The following GALNT16 variants were observed in gnomAD, a reference collection of about 807,000 sequenced individuals.
The protein encoded by GALNT16 is UDP-GalNAc:polypeptide N-acetylgalactosaminyltransferase-like protein 1.
In GALNT16, 40 loss-of-function variants were observed where a neutral mutation model predicts 76.1. That is an observed-to-expected ratio of 0.53 (90% CI 0.41 to 0.68). GALNT16 has a LOEUF of 0.68. GALNT16 is among the 30% of genes least tolerant of loss of function. GALNT16 has a pLI of 0.00. For synonymous variants in GALNT16, 276 were observed against 285.2 expected (o/e 0.97, Z 0.32); for missense variants, 621 against 731.9 (o/e 0.85, Z 1.75).
At chr14:69,273,270 C>CT (rs1316131640) in intron 1 of GALNT16, among the ~76,000 whole-genome samples, 1 of 152,166 alleles carries the variant, frequency 6.6e-6, no homozygotes, top group Non-Finnish European at 1.5e-5. Context: ...GGCGAGAAGC[C>CT]TTTTACTCCC....
chr14:69,267,688 A>G (rs2044358272), intron 1 of GALNT16, among the ~76,000 whole-genome samples: 1 of 152,258 alleles, frequency 6.6e-6, no homozygotes, highest in South Asian at 2.1e-4. Flanking sequence ...GAGGGAATGG[A>G]GAGAGGATGT....
chr14:69,334,999 T>A (rs916401597), intron 9 of GALNT16, among the ~76,000 whole-genome samples: 3 of 152,098 alleles, frequency 2.0e-5, no homozygotes, highest in Non-Finnish European at 2.9e-5. Context: ...TAACTAGCAC[T>A]GGTGGTATCT....
At chr14:69,276,000 A>T (rs890394004) in intron 1 of GALNT16, among the ~76,000 whole-genome samples, 3 of 152,216 alleles carry the variant, frequency 2.0e-5, no homozygotes, top group African/African-American at 7.2e-5. Flanking sequence ...GTGGCAAGAG[A>T]GAATGAGGAG....
chr14:69,304,618 C>T (rs1264938643), intron 1 of GALNT16, among the ~76,000 whole-genome samples: 2 of 152,130 alleles, frequency 1.3e-5, no homozygotes, highest in African/African-American at 2.4e-5. Context: ...ATTTCCTTTA[C>T]ACCTCCCCCA....
intron 9 of GALNT16, among the ~76,000 whole-genome samples, chr14:69,338,380 G>T (rs1169930693): frequency 6.6e-6 from 1 of 152,216 alleles, no homozygotes; most frequent in Admixed American, 6.5e-5. Flanking sequence ...TTATGTTCTT[G>T]GTGTTCCTTC....
At chr14:69,266,410 A>G (rs939103486) in intron 1 of GALNT16, among the ~76,000 whole-genome samples, 1 of 152,234 alleles carries the variant, frequency 6.6e-6, no homozygotes, top group African/African-American at 2.4e-5. Flanking sequence ...ACTGGTTAAG[A>G]TCACTCTTGA....
At chr14:69,303,486 A>T (rs1377371554) in intron 1 of GALNT16, among the ~76,000 whole-genome samples, 3 of 152,208 alleles carry the variant, frequency 2.0e-5, no homozygotes, top group Non-Finnish European at 4.4e-5. Context: ...CACTAGGCCC[A>T]TGTAATGCGT....
At chr14:69,267,992 A>T (rs1348744078) in intron 1 of GALNT16, among the ~76,000 whole-genome samples, 2 of 152,212 alleles carry the variant, frequency 1.3e-5, no homozygotes, top group Non-Finnish European at 2.9e-5. Flanking sequence ...TGTATTAAGA[A>T]GGGCTGTAAC....
At chr14:69,367,568 G>A in the GALNT16 span, among the ~76,000 whole-genome samples, 4 of 150,286 alleles carry the variant, frequency 2.7e-5, no homozygotes. Context: ...CCAGTCTATG[G>A]TACTTCGTTG....
chr14:69,294,772 G>A (rs1443936265), intron 1 of GALNT16, among the ~76,000 whole-genome samples: 1 of 152,070 alleles, frequency 6.6e-6, no homozygotes, highest in Non-Finnish European at 1.5e-5. Flanking sequence ...TTTTAAAGAG[G>A]GGAGTCTCAT....
At chr14:69,377,804 C>CAAAAAAAAAAAAAAAAAAAAAAAAAAAA in the GALNT16 span, among the ~76,000 whole-genome samples, 1 of 37,486 alleles carries the variant, frequency 2.7e-5, no homozygotes, top group Non-Finnish European at 4.6e-5. Context: ...GAGACTGTCT[C>CAAAAAAAAAAAAAAAAAAAAAAAAAAAA]AAAAAAAAAA....
chr14:69,268,372 T>G (rs977987757), intron 1 of GALNT16, among the ~76,000 whole-genome samples: 2 of 152,190 alleles, frequency 1.3e-5, no homozygotes, highest in Non-Finnish European at 2.9e-5. Flanking sequence ...TCCTGGCAAC[T>G]TTCAGTTTTC....
intron 14 of GALNT16, chr14:69,348,208 A>ATGCC: frequency 3.3e-6 from 2 of 606,020 alleles, no homozygotes; most frequent in Non-Finnish European, 5.9e-6. Context: ...TATTTGTTTA[A>ATGCC]TGCCATCCTG....
intron 1 of GALNT16, among the ~76,000 whole-genome samples, chr14:69,286,006 G>A (rs1849137643): frequency 1.3e-5 from 2 of 152,080 alleles, no homozygotes; most frequent in Admixed American, 1.3e-4. Flanking sequence ...TGGTAGGTGT[G>A]GCCTACCCTG....
rs1004709466 is a variant in GALNT16 at position 69,261,511 on chromosome 14, G to GGA, written c.177+1048_177+1049dup. The stretch of plus-strand genomic sequence containing the variant: ...CCTGGCCGGATGAGGACCAGGAAGA[G>GGA]GAGAGCCGAGTGGGGCGGGGGTAAA... On this transcript the variant is annotated intron_variant, in intron 1 of 14. Coordinates refer to ENST00000448469, the MANE Select transcript of GALNT16 (RefSeq NM_001168368.2). This position sits in a 1 kb window ranked among gnomAD's most constrained non-coding sequence, Gnocchi z 6.4. Among the ~76,000 whole-genome samples, 1 of 152,094 alleles carries GGA rather than the reference G, an allele frequency of 6.6e-6. No homozygotes were observed. Among genetic ancestry groups the GGA allele is most frequent in the Non-Finnish European group, 1.5e-5 (1 of 68,004 alleles).
the GALNT16 span, among the ~76,000 whole-genome samples, chr14:69,378,528 A>G: frequency 6.6e-6 from 1 of 152,216 alleles, no homozygotes; most frequent in Non-Finnish European, 1.5e-5. Flanking sequence ...CACCTTCACA[A>G]AAAGGCTACT....
intron 1 of GALNT16, among the ~76,000 whole-genome samples, chr14:69,271,227 TC>T (rs2044403475): frequency 6.6e-6 from 1 of 151,884 alleles, no homozygotes; most frequent in African/African-American, 2.4e-5. Flanking sequence ...AACTACCTCT[TC>T]CAGACAATGC....
chr14:69,260,923 C>G (rs2044260779), intron 1 of GALNT16, among the ~76,000 whole-genome samples: 1 of 150,954 alleles, frequency 6.6e-6, no homozygotes, highest in African/African-American at 2.4e-5. Context: ...CAGAGGACAT[C>G]GGGTGGGGGC....
At position 69,295,716 on chromosome 14, in the gene GALNT16, T is replaced by C. The variant is rs186079185; in HGVS notation, c.178-24995T>C. On this transcript the variant is annotated intron_variant, in intron 1 of 14. Coordinates refer to ENST00000448469, the MANE Select transcript of GALNT16 (RefSeq NM_001168368.2). ...GCCTGGGCGACAGAGCGAGACTCCATCTCAAAAAAAATTAAAAAATTAACA... is the reference window on the plus strand; with the variant it reads ...GCCTGGGCGACAGAGCGAGACTCCACCTCAAAAAAAATTAAAAAATTAACA... Among the ~76,000 whole-genome samples, 165 of 152,144 alleles carry C rather than the reference T, an allele frequency of 1.1e-3. 1 individual carries two copies. The highest frequency in any genetic ancestry group is 2.2e-3 in the Admixed American group (33 of 15,272).
Sources: allele counts gnomAD v4.1 joint callset (sites outside exome capture counted in the v4.1 genomes callset), GRCh38; gene constraint gnomAD v4.1.1; non-coding constraint Gnocchi (gnomAD v3.1); transcripts MANE v1.5; gene names NCBI Gene and HGNC (gene_info 2026-07-23, HGNC 2026-07-21).